The following AGBL4 variants were observed in gnomAD, a reference collection of about 807,000 sequenced individuals.
The protein encoded by AGBL4 is cytosolic carboxypeptidase 6.
AGBL4 carries 58 observed loss-of-function variants against 66.4 expected under a neutral mutation model. The ratio of observed to expected loss-of-function variants is 0.87; its 90% confidence interval spans 0.71 to 1.09. The LOEUF (loss-of-function observed/expected upper bound fraction) is 1.09, where lower values mean the gene tolerates loss of function less well. AGBL4 is among the 50% of genes least tolerant of loss of function. The probability of loss-of-function intolerance (pLI) is 0.00; values close to 1 mark genes in which losing one functional copy is unlikely to be tolerated. For synonymous variants in AGBL4, 234 were observed against 222.9 expected (o/e 1.05, Z -0.44); for missense variants, 579 against 631.0 (o/e 0.92, Z 0.88).
chr1:49,660,264 G>A (rs1249843577), intron 3 of AGBL4, among the ~76,000 whole-genome samples: 1 of 151,498 alleles, frequency 6.6e-6, no homozygotes, highest in Non-Finnish European at 1.5e-5. Flanking sequence ...CAAGAAAAAA[G>A]AAACAACCCT....
chr1:49,525,029 C>T (rs147140760), intron 3 of AGBL4, among the ~76,000 whole-genome samples: 1 of 151,932 alleles, frequency 6.6e-6, no homozygotes, highest in Non-Finnish European at 1.5e-5. Context: ...TCTGTTTTCC[C>T]TTCTACAAAA....
At chr1:49,226,397 CT>C (rs560999835) in intron 4 of AGBL4, among the ~76,000 whole-genome samples, 4 of 152,316 alleles carry the variant, frequency 2.6e-5, no homozygotes, top group Admixed American at 2.0e-4. Flanking sequence ...ATGATCTTCT[CT>C]GTAATTATGC....
intron 9 of AGBL4, among the ~76,000 whole-genome samples, chr1:48,623,703 C>G (rs1201084810): frequency 6.6e-6 from 1 of 152,220 alleles, no homozygotes; most frequent in African/African-American, 2.4e-5. Flanking sequence ...ACAAAACACC[C>G]TAAAATGTAA....
At chr1:49,351,153 T>A (rs574040211) in intron 3 of AGBL4, among the ~76,000 whole-genome samples, 61 of 152,306 alleles carry the variant, frequency 4.0e-4, no homozygotes, top group African/African-American at 1.4e-3. Flanking sequence ...TCCATCTAAG[T>A]GGGTGCTGCA....
intron 3 of AGBL4, among the ~76,000 whole-genome samples, chr1:49,678,102 G>A (rs1434812816): frequency 6.6e-6 from 1 of 151,970 alleles, no homozygotes; most frequent in East Asian, 1.9e-4. Flanking sequence ...TTTTGAAAAC[G>A]TTTTTATTTT....
At chr1:48,563,986 TCTC>T (rs1355814072) in intron 11 of AGBL4, among the ~76,000 whole-genome samples, 1 of 152,120 alleles carries the variant, frequency 6.6e-6, no homozygotes, top group Admixed American at 6.5e-5. Context: ...TTGTGTACCT[TCTC>T]CTGTAAACGC....
intron 9 of AGBL4, among the ~76,000 whole-genome samples, chr1:48,629,899 C>A (rs1401712444): frequency 6.6e-6 from 1 of 152,190 alleles, no homozygotes; most frequent in South Asian, 2.1e-4. Flanking sequence ...TGGTTCAATT[C>A]TTCCTTTTAT....
intron 4 of AGBL4, chr1:49,175,116 G>A (rs1490974194): frequency 1.3e-5 from 2 of 151,990 alleles, no homozygotes; most frequent in African/African-American, 2.4e-5. Flanking sequence ...TAATGTAGTT[G>A]GGTTTAATGA....
At position 48,608,543 on chromosome 1, in the gene AGBL4, G is replaced by GTGGATGGA. The variant is rs111391043; in HGVS notation, c.952-17566_952-17559dup. 1.3e-3 allele frequency among the ~76,000 whole-genome samples: 194 copies of GTGGATGGA among 151,264 alleles called. 1 individual carries two copies. The highest frequency in any genetic ancestry group is 3.8e-3 in the African/African-American group (156 of 40,900). Reference sequence around the variant, plus strand: ...CAAGAACAGCTAATGAGTCAGAGAAGTGGATGGATGGATGGATGGATGGAT... The same window carrying GTGGATGGA: ...CAAGAACAGCTAATGAGTCAGAGAAGTGGATGGATGGATGGATGGATGGATGGATGGAT... On this transcript the variant is annotated intron_variant, in intron 9 of 13. Coordinates refer to ENST00000371839, the MANE Select transcript of AGBL4 (RefSeq NM_032785.4).
At chr1:48,550,688 G>T (rs2803264) in intron 11 of AGBL4, among the ~76,000 whole-genome samples, 122,652 of 152,014 alleles carry the variant, frequency 0.81, 49,970 homozygotes, top group Middle Eastern at 0.9. Context: ...AGAGCTGGCA[G>T]ATGAAACATC....
At chr1:49,767,417 G>A (rs910661636) in intron 2 of AGBL4, among the ~76,000 whole-genome samples, 8 of 151,992 alleles carry the variant, frequency 5.3e-5, no homozygotes, top group African/African-American at 1.9e-4. Context: ...TAGATGAAAA[G>A]AGAGAAAGAA....
At chr1:48,753,027 C>T (rs575718705) in intron 6 of AGBL4, among the ~76,000 whole-genome samples, 95 of 152,308 alleles carry the variant, frequency 6.2e-4, no homozygotes, top group African/African-American at 2.1e-3. Context: ...GGATTACAGG[C>T]GTGAGCCACT....
At chr1:49,491,479 C>G (rs1006743415) in intron 3 of AGBL4, among the ~76,000 whole-genome samples, 1 of 151,884 alleles carries the variant, frequency 6.6e-6, no homozygotes, top group African/African-American at 2.4e-5. Context: ...GCTGCATTGA[C>G]TTTGAAATGC....
At chr1:49,798,862 T>C (rs1453921896) in intron 2 of AGBL4, among the ~76,000 whole-genome samples, 1 of 152,178 alleles carries the variant, frequency 6.6e-6, no homozygotes, top group Admixed American at 6.5e-5. Context: ...TTAATCACCA[T>C]GGAAAATGCC....
At chr1:48,945,513 C>T (rs1191338833) in intron 5 of AGBL4, among the ~76,000 whole-genome samples, 2 of 152,248 alleles carry the variant, frequency 1.3e-5, no homozygotes, top group South Asian at 2.1e-4. Context: ...GGAACTTCTT[C>T]GGGCCTTAGA....
intron 3 of AGBL4, among the ~76,000 whole-genome samples, chr1:49,558,637 C>T (rs182938895): frequency 2.0e-4 from 31 of 152,260 alleles, no homozygotes; most frequent in African/African-American, 1.9e-4. Flanking sequence ...CCACGCCTAG[C>T]TGGGATCCTT....
Position 49,781,123 on chromosome 1 carries a change from C to T in AGBL4, c.157+70273G>A, listed in dbSNP as rs201938157. On this transcript the variant is annotated intron_variant, in intron 2 of 13. Transcript: ENST00000371839. ...TGTTATAAGAGGCCAAGAGTGATGG[C>T]GCACACCTAAAATCCCAGCACTCTG... is the stretch of plus-strand genomic sequence containing the variant. 5.3e-5 allele frequency among the ~76,000 whole-genome samples: 8 copies of T among 152,148 alleles called. No individual in the cohort carries two copies. In the East Asian group the frequency reaches 5.8e-4, roughly 11 times the overall value.
intron 5 of AGBL4, among the ~76,000 whole-genome samples, chr1:48,883,108 T>A (rs1303786484): frequency 2.0e-5 from 3 of 152,208 alleles, no homozygotes; most frequent in Non-Finnish European, 4.4e-5. Context: ...ACATACAGAT[T>A]TCATTTTCTT....
At position 49,851,524 on chromosome 1, in the gene AGBL4, T is replaced by A. The variant is rs1323097982; in HGVS notation, c.35-6A>T. 6.5e-7 allele frequency: 1 copy of A among 1,543,532 alleles called. No homozygotes were observed. Among genetic ancestry groups the A allele is most frequent in the Non-Finnish European group, 8.7e-7 (1 of 1,144,292 alleles). On this transcript the variant is annotated splice_region_variant and splice_polypyrimidine_tract_variant and intron_variant, in intron 1 of 13. Coordinates refer to ENST00000371839, the MANE Select transcript of AGBL4 (RefSeq NM_032785.4). ...ATCATTTCCCATATCATTGCCTATT[T>A]AAAAAAATTGAAATAAAAGTCAAAG...
Sources: allele counts gnomAD v4.1 joint callset (sites outside exome capture counted in the v4.1 genomes callset), GRCh38; gene constraint gnomAD v4.1.1; transcripts MANE v1.5; gene names NCBI Gene and HGNC (gene_info 2026-07-23, HGNC 2026-07-21).